ASTN1: variants seen among roughly 807,000 people sequenced by gnomAD.
ASTN1 encodes astrotactin-1.
ASTN1 carries 41 observed loss-of-function variants against 140.7 expected under a neutral mutation model. The ratio of observed to expected loss-of-function variants is 0.29; its 90% CI spans 0.23 to 0.38. The LOEUF (loss-of-function observed/expected upper bound fraction) is 0.38, where lower values mean the gene tolerates loss of function less well. Among genes scored for constraint, ASTN1 ranks in the 10% least tolerant of loss-of-function variants. The probability of loss-of-function intolerance (pLI) is 1.00; values close to 1 mark genes in which losing one functional copy is unlikely to be tolerated. For synonymous variants in ASTN1, 640 were observed against 652.2 expected, an observed-to-expected ratio of 0.98 and a Z score of 0.29; for missense variants, 1,479 against 1,678.8, an observed-to-expected ratio of 0.88 and a Z score of 2.08.
At chr1:176,904,494 TGA>T (rs36077093) in intron 16 of ASTN1, among the ~76,000 whole-genome samples, 7,068 of 152,046 alleles carry the variant, frequency 0.046, 180 homozygotes, top group African/African-American at 0.074. Context: ...AGGACGACAC[TGA>T]GAGAGAGGCG....
chr1:177,016,771 G>A (rs935396892), intron 7 of ASTN1, among the ~76,000 whole-genome samples: 18 of 152,178 alleles, frequency 1.2e-4, no homozygotes, highest in African/African-American at 3.9e-4. Context: ...TAAAGGATTT[G>A]CCCTATATTT....
At chr1:176,901,039 C>T (rs1242729319) in intron 16 of ASTN1, among the ~76,000 whole-genome samples, 3 of 152,166 alleles carry the variant, frequency 2.0e-5, no homozygotes, top group Non-Finnish European at 2.9e-5. Context: ...AATGACTACA[C>T]TATATATTCT....
intron 1 of ASTN1, among the ~76,000 whole-genome samples, chr1:177,078,640 T>C (rs1309561140): frequency 6.6e-6 from 1 of 152,206 alleles, no homozygotes; most frequent in Non-Finnish European, 1.5e-5. Flanking sequence ...TTCTTCATTA[T>C]TGTAAAGTCT....
chr1:177,150,494 G>T (rs549815789), intron 1 of ASTN1, among the ~76,000 whole-genome samples: 2 of 152,150 alleles, frequency 1.3e-5, no homozygotes, highest in East Asian at 3.9e-4. Context: ...GGTAGTTCAG[G>T]TAAAGGAAAA....
chr1:177,081,242 T>C (rs1679166644), intron 1 of ASTN1, among the ~76,000 whole-genome samples: 1 of 152,244 alleles, frequency 6.6e-6, no homozygotes, highest in Admixed American at 6.5e-5. Flanking sequence ...TGGTGGGCTA[T>C]GTGAACTTTC....
chr1:176,991,633 G>C (rs566756177), intron 8 of ASTN1, among the ~76,000 whole-genome samples: 1 of 152,290 alleles, frequency 6.6e-6, no homozygotes, highest in African/African-American at 2.4e-5. Flanking sequence ...TGTGAGCCGG[G>C]CTGGATTACT....
At chr1:177,024,871 G>T (rs1676030186) in intron 5 of ASTN1, 139 bp from the exon 6 acceptor site, 3 of 951,078 alleles carry the variant, frequency 3.2e-6, no homozygotes, top group Non-Finnish European at 3.1e-6. Context: ...GTCTCTGGCT[G>T]CATGACCTCA....
intron 1 of ASTN1, among the ~76,000 whole-genome samples, chr1:177,114,748 C>G (rs1680998747): frequency 6.6e-6 from 1 of 152,290 alleles, no homozygotes; most frequent in Middle Eastern, 3.4e-3. Context: ...AGATACACAA[C>G]AGTTCCATTG....
At chr1:176,975,377 G>C (rs570351863) in intron 8 of ASTN1, among the ~76,000 whole-genome samples, 2 of 152,340 alleles carry the variant, frequency 1.3e-5, no homozygotes, top group East Asian at 3.9e-4. Flanking sequence ...GGATTGTCAC[G>C]GAGCACTATC....
At chr1:177,016,470 G>T (rs1280162345) in intron 7 of ASTN1, among the ~76,000 whole-genome samples, 1 of 152,154 alleles carries the variant, frequency 6.6e-6, no homozygotes, top group Non-Finnish European at 1.5e-5. Context: ...AGGGAGCTCT[G>T]AGCCAAAAAT....
chr1:177,070,590 C>T (rs199988908), intron 1 of ASTN1, among the ~76,000 whole-genome samples: 1 of 50,562 alleles, frequency 2.0e-5, no homozygotes, highest in African/African-American at 7.3e-5. Flanking sequence ...ATAATGTATG[C>T]ACTGGCTCTG....
chr1:176,886,104 G>A (rs1185310052), intron 18 of ASTN1, among the ~76,000 whole-genome samples: 1 of 152,078 alleles, frequency 6.6e-6, no homozygotes, highest in African/African-American at 2.4e-5. Context: ...TGAAAATATG[G>A]ACTAAACCCG....
intron 1 of ASTN1, among the ~76,000 whole-genome samples, chr1:177,105,055 G>C (rs919297738): frequency 2.0e-5 from 3 of 152,144 alleles, no homozygotes; most frequent in African/African-American, 7.2e-5. Context: ...TCAAGTGGTG[G>C]TTCTCTCTCC....
At chr1:177,134,903 T>C (rs1315587656) in intron 1 of ASTN1, among the ~76,000 whole-genome samples, 4 of 152,134 alleles carry the variant, frequency 2.6e-5, no homozygotes, top group Admixed American at 6.5e-5. Flanking sequence ...GTTATAACAA[T>C]GACCTGAAAA....
chr1:177,086,908 T>G (rs567754374), intron 1 of ASTN1, among the ~76,000 whole-genome samples: 1 of 152,336 alleles, frequency 6.6e-6, no homozygotes, highest in African/African-American at 2.4e-5. Context: ...TGATAACTAA[T>G]ATGCATACTT....
intron 1 of ASTN1, among the ~76,000 whole-genome samples, chr1:177,122,259 G>T (rs192510710): frequency 6.6e-6 from 1 of 152,178 alleles, no homozygotes; most frequent in Admixed American, 6.5e-5. Context: ...AGCAGGAAAA[G>T]ACATGGGTCA....
intron 16 of ASTN1, among the ~76,000 whole-genome samples, chr1:176,907,248 C>T (rs928271950): frequency 2.0e-5 from 3 of 152,150 alleles, no homozygotes; most frequent in Admixed American, 2.0e-4. Flanking sequence ...AGATCCACCA[C>T]CCTGGACAAA....
intron 1 of ASTN1, among the ~76,000 whole-genome samples, chr1:177,085,275 T>G (rs1350764059): frequency 1.3e-5 from 2 of 152,198 alleles, no homozygotes; most frequent in Non-Finnish European, 2.9e-5. Flanking sequence ...CTAAAGGATT[T>G]CTAGTGCTTC....
chr1:177,136,365 T>G (rs1463313719), intron 1 of ASTN1, among the ~76,000 whole-genome samples: 3 of 151,562 alleles, frequency 2.0e-5, no homozygotes, highest in Non-Finnish European at 4.4e-5. Context: ...TTTTTTTTTT[T>G]TTTTTGAGAC....
Sources: allele counts gnomAD v4.1 joint callset (sites outside exome capture counted in the v4.1 genomes callset), GRCh38; gene constraint gnomAD v4.1.1; transcripts MANE v1.5; gene names NCBI Gene and HGNC (gene_info 2026-07-23, HGNC 2026-07-21).